Variants in ASTN2 observed in about 807,000 individuals in gnomAD.
ASTN2 encodes astrotactin 2.
In ASTN2, 54 loss-of-function variants were observed where a neutral mutation model predicts 139.8. The observed-to-expected ratio is 0.39, with a 90% CI of 0.31 to 0.48. ASTN2 has a LOEUF of 0.48. ASTN2 is among the 20% of genes least tolerant of loss of function. The probability of loss-of-function intolerance (pLI) is 0.95; values close to 1 mark genes in which losing one functional copy is unlikely to be tolerated. For synonymous variants in ASTN2, 756 were observed against 719.5 expected (o/e 1.05, Z -0.81); for missense variants, 1,565 against 1,725.1 (o/e 0.91, Z 1.64).
chr9:117,146,114 A>G (rs1830188327), intron 3 of ASTN2, among the ~76,000 whole-genome samples: 1 of 152,070 alleles, frequency 6.6e-6, no homozygotes, highest in South Asian at 2.1e-4. Context: ...CATCCTGCAT[A>G]CAACTCCCCC....
intron 17 of ASTN2, among the ~76,000 whole-genome samples, chr9:116,624,520 T>G (rs1416576425): frequency 6.6e-6 from 1 of 152,356 alleles, no homozygotes; most frequent in Admixed American, 6.5e-5. Flanking sequence ...GGGGCTCTTC[T>G]AGCTCTAAAA....
chr9:116,434,891 T>C (rs1419683203), intron 22 of ASTN2, among the ~76,000 whole-genome samples: 1 of 152,164 alleles, frequency 6.6e-6, no homozygotes, highest in Non-Finnish European at 1.5e-5. Flanking sequence ...GAGATGTCCT[T>C]TCGTCACTAA....
intron 10 of ASTN2, among the ~76,000 whole-genome samples, chr9:116,914,578 T>A (rs1400126511): frequency 6.9e-6 from 1 of 145,120 alleles, no homozygotes; most frequent in African/African-American, 2.6e-5. Context: ...ATTATTTATA[T>A]ATATTTTTTT....
intron 19 of ASTN2, among the ~76,000 whole-genome samples, chr9:116,615,277 G>A (rs925079188): frequency 7.2e-5 from 11 of 152,184 alleles, no homozygotes; most frequent in African/African-American, 2.7e-4. Context: ...ACTGTTGGTG[G>A]GAACGTAAAC....
intron 19 of ASTN2, among the ~76,000 whole-genome samples, chr9:116,544,328 C>T (rs1852002582): frequency 6.6e-6 from 1 of 152,148 alleles, no homozygotes. Context: ...AGTGACTCAT[C>T]TTGTGACAGC....
chr9:117,291,989 T>G (rs1834606349), intron 1 of ASTN2, among the ~76,000 whole-genome samples: 1 of 152,158 alleles, frequency 6.6e-6, no homozygotes, highest in Non-Finnish European at 1.5e-5. Context: ...CCAACTCAGC[T>G]GAGGTAGCTC....
In ASTN2 at chr9:117,229,002, TCAAAAAACAAAA is replaced by T. The variant is rs1564492300; in HGVS notation, c.631-14272_631-14261del. ...CTGGGCAACAGAGTGAGACTCCATT[TCAAAAAACAAAA>T]CAAAACAAAACAAACAAAAAAAACC... On this transcript the variant is annotated intron_variant, in intron 2 of 22. Coordinates refer to ENST00000313400, the MANE Select transcript of ASTN2 (RefSeq NM_001365068.1). Among the ~76,000 whole-genome samples, 3 of 128,726 alleles carry T rather than the reference TCAAAAAACAAAA, an allele frequency of 2.3e-5. No individual in the cohort carries two copies. In the East Asian group the frequency reaches 6.2e-4, roughly 26 times the overall value. 84.4% of individuals were successfully genotyped at this position (128,726 alleles called of 152,430 possible).
intron 1 of ASTN2, among the ~76,000 whole-genome samples, chr9:117,378,968 C>T (rs1007805439): frequency 5.9e-5 from 9 of 152,110 alleles, no homozygotes; most frequent in African/African-American, 2.2e-4. Context: ...GTATGCACCA[C>T]CTCCTCCTTT....
chr9:116,480,176 G>A (rs866253708), intron 20 of ASTN2, among the ~76,000 whole-genome samples: 1 of 151,556 alleles, frequency 6.6e-6, no homozygotes, highest in Non-Finnish European at 1.5e-5. Context: ...AAGGAAGGGA[G>A]GAAGGGAAAG....
intron 22 of ASTN2, among the ~76,000 whole-genome samples, chr9:116,426,709 G>A (rs573358093): frequency 6.6e-6 from 1 of 151,854 alleles, no homozygotes; most frequent in South Asian, 2.1e-4. Flanking sequence ...TCTCAGTCTG[G>A]AAACTTTGAA....
intron 2 of ASTN2, among the ~76,000 whole-genome samples, chr9:117,256,022 T>A (rs1833677140): frequency 6.6e-6 from 1 of 152,202 alleles, no homozygotes; most frequent in African/African-American, 2.4e-5. Flanking sequence ...TCCACAAGAA[T>A]AAAATCCTTT....
chr9:116,941,419 C>G (rs1835224785), intron 10 of ASTN2, among the ~76,000 whole-genome samples: 1 of 151,876 alleles, frequency 6.6e-6, no homozygotes, highest in Non-Finnish European at 1.5e-5. Context: ...TTCAGCTTAA[C>G]ATGTTACATA....
chr9:116,442,827 A>C (rs1224797300), intron 20 of ASTN2, among the ~76,000 whole-genome samples: 1 of 152,250 alleles, frequency 6.6e-6, no homozygotes, highest in South Asian at 2.1e-4. Flanking sequence ...ACTGAGGGAC[A>C]GAATGGGGGT....
At chr9:116,795,310 G>C (rs1406998842) in intron 13 of ASTN2, among the ~76,000 whole-genome samples, 1 of 152,238 alleles carries the variant, frequency 6.6e-6, no homozygotes. Flanking sequence ...TCACCCTAGA[G>C]GTGGGAGATT....
intron 3 of ASTN2, among the ~76,000 whole-genome samples, chr9:117,191,522 A>C (rs1831348641): frequency 6.6e-6 from 1 of 152,224 alleles, no homozygotes; most frequent in South Asian, 2.1e-4. Flanking sequence ...ATATTAGATA[A>C]AATAAGGACT....
At chr9:116,533,057 C>T (rs990363282) in intron 19 of ASTN2, among the ~76,000 whole-genome samples, 302 of 152,236 alleles carry the variant, frequency 2.0e-3, no homozygotes, top group African/African-American at 7.0e-3. Flanking sequence ...TTGTAGTTAT[C>T]CTTGAAGAGT....
At chr9:117,107,500 T>C (rs779556710) in intron 4 of ASTN2, among the ~76,000 whole-genome samples, 3 of 152,350 alleles carry the variant, frequency 2.0e-5, no homozygotes, top group Middle Eastern at 3.4e-3. Flanking sequence ...TTTTCAAATC[T>C]TAGTAATTTT....
chr9:117,357,628 T>G (rs1405021597), intron 1 of ASTN2, among the ~76,000 whole-genome samples: 2 of 152,066 alleles, frequency 1.3e-5, no homozygotes, highest in Non-Finnish European at 2.9e-5. Flanking sequence ...TGTTATCATT[T>G]TCTCTATCTC....
At chr9:116,453,769 A>T (rs1196381636) in intron 20 of ASTN2, among the ~76,000 whole-genome samples, 1 of 152,118 alleles carries the variant, frequency 6.6e-6, no homozygotes, top group East Asian at 1.9e-4. Context: ...ATGGTTCTGG[A>T]GGGTGTTGTT....
Sources: allele counts gnomAD v4.1 joint callset (sites outside exome capture counted in the v4.1 genomes callset), GRCh38; gene constraint gnomAD v4.1.1; transcripts MANE v1.5; gene names NCBI Gene and HGNC (gene_info 2026-07-23, HGNC 2026-07-21).